Variants in IGFBP7 observed in about 807,000 individuals in gnomAD.
IGFBP7 encodes the protein insulin-like growth factor-binding protein 7.
Under a neutral mutation model 29.4 loss-of-function variants are expected in IGFBP7, and 31 were observed. That is an observed-to-expected ratio of 1.05 (90% CI 0.79 to 1.42). The LOEUF is 1.42. Ranked by LOEUF, IGFBP7 falls within the 40% of genes most tolerant of loss-of-function variation. The pLI, the probability that IGFBP7 is intolerant of heterozygous loss-of-function variation, is 0.00. For missense variants in IGFBP7, 393 were observed against 395.5 expected, an observed-to-expected ratio of 0.99 and a Z score of 0.05; for synonymous variants, 172 against 174.9, an observed-to-expected ratio of 0.98 and a Z score of 0.13.
intron 1 of IGFBP7, among the ~76,000 whole-genome samples, chr4:57,100,640 A>T (rs4262036): frequency 0.98 from 149,596 of 152,312 alleles, 73,515 homozygotes; most frequent in East Asian, 1. Context: ...TGCTCATTCA[A>T]CAGAAACAAA....
chr4:57,055,579 G>A (rs1049555506), intron 1 of IGFBP7, among the ~76,000 whole-genome samples: 5 of 152,106 alleles, frequency 3.3e-5, no homozygotes, highest in Admixed American at 3.3e-4. Flanking sequence ...TGGGTGAAGG[G>A]TACAGACACC....
chr4:57,056,013 G>T (rs1481330773), intron 1 of IGFBP7, among the ~76,000 whole-genome samples: 1 of 151,978 alleles, frequency 6.6e-6, no homozygotes, highest in Non-Finnish European at 1.5e-5. Flanking sequence ...TACCCTCCAG[G>T]CCCCGGACTC....
At position 57,066,569 on chromosome 4, in the gene IGFBP7, GT is replaced by G. The variant is rs1036075999; in HGVS notation, c.476-25637del. ...AAATAATATTTTCCTTTAGTTTTAA[GT>G]TTTTTTTTTTGGAGATGGAGTCTTG... On this transcript the variant is annotated intron_variant, in intron 1 of 4. Transcript: ENST00000295666. Among the ~76,000 whole-genome samples, 182 of 147,670 alleles carry G rather than the reference GT, an allele frequency of 1.2e-3. 2 individuals are homozygous for G. The highest frequency in any genetic ancestry group is 3.4e-3 in the Admixed American group (50 of 14,790).
intron 1 of IGFBP7, among the ~76,000 whole-genome samples, chr4:57,078,289 G>A (rs532162841): frequency 2.0e-5 from 3 of 152,226 alleles, no homozygotes; most frequent in South Asian, 2.1e-4. Flanking sequence ...CAGAAAGGTC[G>A]AGTAACTTGC....
rs1336206300 is a variant in IGFBP7 at position 57,031,112 on chromosome 4, T to C, written c.*205A>G. Reference sequence around the variant, plus strand: ...AAAGTATTTTATTTGTTTAATGATATGCATGCTTTTCTTCTGTAAATATAT... The same window carrying C: ...AAAGTATTTTATTTGTTTAATGATACGCATGCTTTTCTTCTGTAAATATAT... On this transcript the variant is annotated 3_prime_UTR_variant, in exon 5 of 5. Transcript: ENST00000295666. 1 of 726,694 alleles carries C rather than the reference T, an allele frequency of 1.4e-6. No individual in the cohort carries two copies. Among genetic ancestry groups the C allele is most frequent in the Non-Finnish European group, 2.4e-6 (1 of 419,262 alleles). The allele number at this position is 726,694 out of a possible 1,614,324, so 45.0% of individuals were successfully genotyped here.
chr4:57,090,579 G>T (rs1488623610), intron 1 of IGFBP7, among the ~76,000 whole-genome samples: 1 of 152,184 alleles, frequency 6.6e-6, no homozygotes, highest in South Asian at 2.1e-4. Context: ...GCTCACACTT[G>T]TAATCCTAGC....
At chr4:57,076,104 G>C (rs11573068) in intron 1 of IGFBP7, among the ~76,000 whole-genome samples, 21,880 of 152,088 alleles carry the variant, frequency 0.14, 1,653 homozygotes, top group Admixed American at 0.15. Flanking sequence ...TAGGGTTCTG[G>C]GGAGGCCCAC....
chr4:57,092,359 G>A (rs1406745019), intron 1 of IGFBP7, among the ~76,000 whole-genome samples: 2 of 152,078 alleles, frequency 1.3e-5, no homozygotes, highest in Non-Finnish European at 2.9e-5. Flanking sequence ...AACTCTTCAT[G>A]ATCTGAGATA....
At chr4:57,048,456 T>A (rs1299486299) in intron 1 of IGFBP7, among the ~76,000 whole-genome samples, 1 of 152,244 alleles carries the variant, frequency 6.6e-6, no homozygotes, top group African/African-American at 2.4e-5. Context: ...GAAAAAGTAC[T>A]ACTGATACAG....
chr4:57,031,183 T>C lies in IGFBP7; in HGVS notation c.*134A>G. On this transcript the variant is annotated 3_prime_UTR_variant, in exon 5 of 5. Coordinates refer to ENST00000295666, the MANE Select transcript of IGFBP7 (RefSeq NM_001553.3). ...CTTGATGTGTGATCTTTATTTTGTA[T>C]TTCTCTGTGTAAAACCAGTGAATAT... is the stretch of plus-strand genomic sequence containing the variant. The C allele has an allele frequency of 2.4e-6, 2 of 825,510 alleles. No homozygotes were observed. The highest frequency in any genetic ancestry group is 4.0e-6 in the Non-Finnish European group (2 of 495,896). 51.1% of individuals were successfully genotyped at this position (825,510 alleles called of 1,614,324 possible).
intron 1 of IGFBP7, among the ~76,000 whole-genome samples, chr4:57,084,379 T>G (rs1725444440): frequency 6.6e-6 from 1 of 152,224 alleles, no homozygotes; most frequent in Non-Finnish European, 1.5e-5. Context: ...GTGCCTTTTC[T>G]AAAAATCATG....
At chr4:57,106,231 A>T (rs1726029291) in intron 1 of IGFBP7, among the ~76,000 whole-genome samples, 1 of 151,894 alleles carries the variant, frequency 6.6e-6, no homozygotes, top group Non-Finnish European at 1.5e-5. Context: ...TTTTATTATT[A>T]TTTTTCTTTC....
chr4:57,085,754 G>A (rs973158819), intron 1 of IGFBP7, among the ~76,000 whole-genome samples: 5 of 152,090 alleles, frequency 3.3e-5, no homozygotes, highest in African/African-American at 4.8e-5. Flanking sequence ...AGCCTTACAA[G>A]GAGACATTGT....
At chr4:57,076,511 AT>A (rs1336534440) in intron 1 of IGFBP7, among the ~76,000 whole-genome samples, 1 of 152,184 alleles carries the variant, frequency 6.6e-6, no homozygotes, top group African/African-American at 2.4e-5. Flanking sequence ...GAAGCCAGCC[AT>A]TTTGGTCACC....
intron 1 of IGFBP7, among the ~76,000 whole-genome samples, chr4:57,060,421 G>A (rs1023877219): frequency 2.0e-5 from 3 of 152,122 alleles, no homozygotes; most frequent in African/African-American, 7.2e-5. Context: ...TTAACTATGG[G>A]TCTGTGGGTA....
chr4:57,095,541 C>CA (rs1306098562), intron 1 of IGFBP7, among the ~76,000 whole-genome samples: 4 of 152,192 alleles, frequency 2.6e-5, no homozygotes, highest in African/African-American at 9.6e-5. Flanking sequence ...GTAACTCTCA[C>CA]AACCGCCTTG....
intron 1 of IGFBP7, among the ~76,000 whole-genome samples, chr4:57,056,492 A>C (rs1724677105): frequency 6.6e-6 from 1 of 152,216 alleles, no homozygotes; most frequent in Non-Finnish European, 1.5e-5. Context: ...TGCAGTAAAC[A>C]GTCTGGGCCA....
intron 1 of IGFBP7, among the ~76,000 whole-genome samples, chr4:57,079,487 C>T (rs1725311074): frequency 6.6e-6 from 1 of 152,144 alleles, no homozygotes; most frequent in East Asian, 1.9e-4. Flanking sequence ...TCAAGGTAGA[C>T]AGACTTTAAA....
intron 1 of IGFBP7, among the ~76,000 whole-genome samples, chr4:57,053,428 G>T (rs1295595098): frequency 2.6e-5 from 4 of 152,176 alleles, no homozygotes; most frequent in African/African-American, 9.7e-5. Flanking sequence ...GCCCATGGTG[G>T]TTCTGGTACA....
Sources: allele counts gnomAD v4.1 joint callset (sites outside exome capture counted in the v4.1 genomes callset), GRCh38; gene constraint gnomAD v4.1.1; transcripts MANE v1.5; gene names NCBI Gene and HGNC (gene_info 2026-07-23, HGNC 2026-07-21).